Variants in LONRF3 observed in about 807,000 individuals in gnomAD.
LONRF3 encodes LON peptidase N-terminal domain and RING finger protein 3.
LONRF3 carries 19 observed loss-of-function variants against 51.7 expected under a neutral mutation model. The observed-to-expected ratio is 0.37, with a 90% confidence interval of 0.26 to 0.54. LONRF3 has a LOEUF of 0.54. LONRF3 is among the 20% of genes least tolerant of loss of function. The pLI, the probability that LONRF3 is intolerant of heterozygous loss-of-function variation, is 0.86. For missense variants in LONRF3, 521 were observed against 623.9 expected, an observed-to-expected ratio of 0.84 and a Z score of 1.76; for synonymous variants, 265 against 257.8, an observed-to-expected ratio of 1.03 and a Z score of -0.27.
At position 119,017,680 on chromosome X, in the gene LONRF3, A is replaced by C. The variant is rs1289718157; in HGVS notation, c.2270A>C (p.Asn757Thr). The C allele has an allele frequency of 8.4e-7, 1 of 1,193,958 alleles. No individual in the cohort carries two copies. The highest frequency in any genetic ancestry group is 3.0e-5 in the East Asian group (1 of 32,848). ...IRRVLAFISR[N>T]QN Reference sequence around the variant, plus strand: ...CGAGTCCTGGCCTTCATATCCCGAAACCAAAACTAGTGAGTGGATTGCCGA... The same window carrying C: ...CGAGTCCTGGCCTTCATATCCCGAACCCAAAACTAGTGAGTGGATTGCCGA... The change falls in exon 11 of 11, where the codon AAC becomes ACC. Residue 757 changes from asparagine to threonine, a missense_variant. Asn to Thr is a moderately conservative substitution (Grantham distance 65). This residue lies in a region of LONRF3 where 145 missense variants were observed against 247.2 expected (regional missense o/e 0.59). Coordinates refer to ENST00000371628, the MANE Select transcript of LONRF3 (RefSeq NM_001031855.3).
At chrX:118,992,356 T>G (rs1198236639) in intron 5 of LONRF3, among the ~76,000 whole-genome samples, 2 of 111,502 alleles carry the variant, frequency 1.8e-5, no homozygotes, top group Non-Finnish European at 3.8e-5. Flanking sequence ...AGACTGGCCC[T>G]TCAGTTTGCA....
chrX:119,012,084 T>G (rs1925150126), intron 8 of LONRF3, 111 bp downstream of exon 8: 3 of 735,465 alleles, frequency 4.1e-6, no homozygotes. Context: ...TTTAGCCAAC[T>G]GAAGAATATG....
In LONRF3 at chrX:118,974,869, C is replaced by T. The variant is rs765413604; in HGVS notation, c.89C>T (p.Ala30Val). Reference sequence around the variant, plus strand: ...GAGTCGGCGGAGCGAGGGGCATCAGCGGCCCAAGTAGACATGGGCCCCCAC... The same window carrying T: ...GAGTCGGCGGAGCGAGGGGCATCAGTGGCCCAAGTAGACATGGGCCCCCAC... ...NLESAERGAS[A>V]AQVDMGPHPK... Residue 30 changes from alanine to valine, a missense_variant, in exon 1 of 11, where the codon GCG becomes GTG. Coordinates refer to ENST00000371628, the MANE Select transcript of LONRF3 (RefSeq NM_001031855.3). 8 of 1,205,005 alleles carry T rather than the reference C, an allele frequency of 6.6e-6. No individual in the cohort carries two copies. The highest frequency in any genetic ancestry group is 9.0e-6 in the Non-Finnish European group (8 of 892,570).
intron 5 of LONRF3, among the ~76,000 whole-genome samples, chrX:118,992,441 G>C: frequency 9.0e-6 from 1 of 110,746 alleles, no homozygotes; most frequent in African/African-American, 3.3e-5. Flanking sequence ...AGCAAAGGCA[G>C]CCATAATCCT....
chrX:119,006,067 C>A, intron 5 of LONRF3, 54 bp from the exon 6 acceptor site: 1 of 744,547 alleles, frequency 1.3e-6, no homozygotes, highest in Non-Finnish European at 2.0e-6. Flanking sequence ...TTGAGTCACT[C>A]TTTTATTTTT....
chrX:119,015,911 A>G (rs1216249243), intron 10 of LONRF3, among the ~76,000 whole-genome samples: 1 of 112,540 alleles, frequency 8.9e-6, no homozygotes, highest in Non-Finnish European at 1.9e-5. Context: ...AAACTGCCAC[A>G]AGTGTTAATA....
At chrX:118,979,311 T>TTTTTTTTTTTA (rs1922369805) in intron 2 of LONRF3, among the ~76,000 whole-genome samples, 1 of 108,602 alleles carries the variant, frequency 9.2e-6, no homozygotes, top group African/African-American at 3.4e-5. Context: ...TTTTTTTTTT[T>TTTTTTTTTTTA]GAGACGGAGT....
rs139107323 is a variant in LONRF3, at chrX:119,014,336, G to A, written c.2104G>A (p.Glu702Lys). Residue 702 changes from glutamate (E) to lysine (K), a missense_variant, in exon 10 of 11, where the codon GAG becomes AAG. By Grantham distance (56) the Glu-to-Lys change is moderately conservative. This residue lies in a region of LONRF3 where 145 missense variants were observed against 247.2 expected (regional missense o/e 0.59). Transcript: ENST00000371628. Reference protein sequence around the residue: ...RILNHFGPMPEKDADPQMNPN... With the variant: ...RILNHFGPMPKKDADPQMNPN... ...ACTCAATCACTTTGGTCCCATGCCG[G>A]AGAAAGACGCCGATCCTCAGGTATA... is the stretch of plus-strand genomic sequence containing the variant. The A allele has an allele frequency of 1.5e-5, 18 of 1,207,483 alleles. No homozygotes were observed. The African/African-American group carries it at 3.2e-4, about 21-fold the overall frequency.
rs767356243 is a variant in LONRF3, at chrX:118,975,022, G to A, written c.242G>A (p.Gly81Glu). The A allele has an allele frequency of 5.1e-6, 6 of 1,172,447 alleles. No individual in the cohort carries two copies. Among genetic ancestry groups the A allele is most frequent in the Non-Finnish European group, 6.8e-6 (6 of 876,182 alleles). Residue 81 changes from glycine (G) to glutamate (E), a missense_variant, in exon 1 of 11, where the codon GGG (glycine) becomes GAG (glutamate). Coordinates refer to ENST00000371628, the MANE Select transcript of LONRF3 (RefSeq NM_001031855.3). Reference sequence around the variant, plus strand: ...CAGGCAGACGCCTTGGCGTCCCGGGGGCGAATCCGTGAAGCCCTCGAGGTG... The same window carrying A: ...CAGGCAGACGCCTTGGCGTCCCGGGAGCGAATCCGTGAAGCCCTCGAGGTG... The part of the protein sequence containing the change: ...LTQADALASR[G>E]RIREALEVYR...
chrX:119,009,076 T>C, intron 6 of LONRF3, 50 bp from the exon 7 acceptor site: 1 of 1,088,809 alleles, frequency 9.2e-7, no homozygotes. Context: ...TTTTGCTGAT[T>C]GCTACGTATT....
chrX:118,987,808 A>G (rs760604644), intron 3 of LONRF3, among the ~76,000 whole-genome samples: 1 of 111,629 alleles, frequency 9.0e-6, no homozygotes, highest in African/African-American at 3.3e-5. Context: ...ATGTAATTTC[A>G]TATTCCTGCA....
At chrX:118,989,310 C>G (rs1923237974) in intron 3 of LONRF3, 98 bp from the exon 4 acceptor site, 1 of 1,003,884 alleles carries the variant, frequency 1.0e-6, no homozygotes, top group Non-Finnish European at 1.4e-6. Context: ...GGGTGGGGAT[C>G]AGGACTCTAT....
intron 7 of LONRF3, among the ~76,000 whole-genome samples, chrX:119,010,787 A>G (rs1221452573): frequency 3.6e-5 from 4 of 111,148 alleles, no homozygotes; most frequent in African/African-American, 1.3e-4. Context: ...TGGTTCCCCA[A>G]CGGGTTGTGT....
chrX:118,986,794 G>T, intron 3 of LONRF3: 2 of 524,280 alleles, frequency 3.8e-6, no homozygotes, highest in Non-Finnish European at 6.1e-6. Context: ...GGTGTGTTAG[G>T]GACACTGGTC....
chrX:118,975,706 GCGGGGGACCCATGGACTGTGGC>G, intron 1 of LONRF3, 109 bp downstream of exon 1: 6 of 638,103 alleles, frequency 9.4e-6, no homozygotes, highest in Non-Finnish European at 1.1e-5. Flanking sequence ...AGAAGAGGGG[GCGGGGGACCCATGGACTGTGGC>G]GGGGTGGGGG....
chrX:118,997,338 C>T (rs1378149636), intron 5 of LONRF3, among the ~76,000 whole-genome samples: 1 of 111,974 alleles, frequency 8.9e-6, no homozygotes, highest in East Asian at 2.8e-4. Flanking sequence ...GCCAACTGAT[C>T]TTCAACAAAG....
intron 5 of LONRF3, among the ~76,000 whole-genome samples, chrX:118,993,992 C>T (rs944881599): frequency 5.4e-5 from 6 of 112,041 alleles, no homozygotes; most frequent in African/African-American, 1.9e-4. Flanking sequence ...TTGCCATTAG[C>T]AAGCTACCAC....
Position 118,974,859 on chromosome X carries a change from G to A in LONRF3, c.79G>A (p.Gly27Arg), listed in dbSNP as rs1235213957. 8.3e-7 allele frequency: 1 copy of A among 1,207,190 alleles called. No homozygotes were observed. Among genetic ancestry groups the A allele is most frequent in the Admixed American group, 2.2e-5 (1 of 45,712 alleles). The change falls in exon 1 of 11, where the codon GGG (glycine) becomes AGG (arginine). Residue 27 changes from glycine to arginine, a missense_variant. Gly to Arg is a moderately radical substitution (Grantham distance 125, BLOSUM62 -2). Around this residue, in one of 2 missense-constraint regions of LONRF3, gnomAD observed 376 missense variants for 376.7 expected, o/e 1.00. Transcript: ENST00000371628. ...SSDNLESAER[G>R]ASAAQVDMGP... ...CGACAACTTGGAGTCGGCGGAGCGA[G>A]GGGCATCAGCGGCCCAAGTAGACAT...
intron 1 of LONRF3, among the ~76,000 whole-genome samples, chrX:118,977,980 C>T (rs1216198082): frequency 9.0e-6 from 1 of 111,467 alleles, no homozygotes; most frequent in Non-Finnish European, 1.9e-5. Context: ...CTCCTTCCTA[C>T]CTGGCCTGTT....
Sources: allele counts gnomAD v4.1 joint callset (sites outside exome capture counted in the v4.1 genomes callset), GRCh38; gene constraint gnomAD v4.1.1; regional missense constraint gnomAD v4.1.1; transcripts MANE v1.5; gene names NCBI Gene and HGNC (gene_info 2026-07-23, HGNC 2026-07-21).